CHCHD7: variants seen among roughly 807,000 people sequenced by gnomAD.
CHCHD7 encodes coiled-coil-helix-coiled-coil-helix domain-containing protein 7.
A neutral mutation model predicts 10.5 loss-of-function variants in CHCHD7; 7 were observed. That is an observed-to-expected ratio of 0.67 (90% CI 0.38 to 1.25). The LOEUF is 1.25. Among genes scored for constraint, CHCHD7 ranks in the 50% most tolerant of loss-of-function variants. CHCHD7 has a pLI of 0.02. For missense variants in CHCHD7, 100 were observed against 104.5 expected, an observed-to-expected ratio of 0.96 and a Z score of 0.19; for synonymous variants, 40 against 36.0, an observed-to-expected ratio of 1.11 and a Z score of -0.40.
intron 2 of CHCHD7, 144 bp from the exon 3 acceptor site, chr8:56,216,289 G>GT: frequency 7.7e-7 from 1 of 1,304,998 alleles, no homozygotes; most frequent in Non-Finnish European, 1.0e-6. Context: ...AGATTGTCCA[G>GT]TTTTTATTAG....
In CHCHD7 at chr8:56,218,773, C is replaced by A. The variant is rs1563411761; in HGVS notation, c.*1338C>A. On this transcript the variant is annotated 3_prime_UTR_variant, in exon 4 of 4. Transcript: ENST00000355315. Reference sequence around the variant, plus strand: ...AATGTCACTCCTTTGAAGGTACATACCAATATCAACATTCATCTTGTAACT... The same window carrying A: ...AATGTCACTCCTTTGAAGGTACATAACAATATCAACATTCATCTTGTAACT... 1.6e-5 allele frequency: 3 copies of A among 188,686 alleles called. No individual in the cohort carries two copies. The highest frequency in any genetic ancestry group is 3.3e-5 in the Non-Finnish European group (3 of 89,708). 11.7% of individuals were successfully genotyped at this position (188,686 alleles called of 1,614,324 possible).
At chr8:56,213,879 C>T (rs776393967) in intron 1 of CHCHD7, 1 of 152,194 alleles carries the variant, frequency 6.6e-6, no homozygotes, top group Non-Finnish European at 1.5e-5. Flanking sequence ...AAAATAGGCA[C>T]TCTGGTACTT....
chr8:56,216,867 A>G (rs969837195), intron 3 of CHCHD7: 14 of 564,306 alleles, frequency 2.5e-5, no homozygotes, highest in African/African-American at 2.1e-4. Context: ...ATAACACATC[A>G]TGTTAGGCTT....
At chr8:56,216,835 A>G in intron 3 of CHCHD7, 1 of 654,622 alleles carries the variant, frequency 1.5e-6, no homozygotes, top group Non-Finnish European at 2.8e-6. Flanking sequence ...GGAGATGAAC[A>G]GAATGTTTAA....
In CHCHD7 at chr8:56,217,558, A is replaced by G; in HGVS notation, c.*123A>G. 1 of 600,262 alleles carries G rather than the reference A, an allele frequency of 1.7e-6. No individual in the cohort carries two copies. Among genetic ancestry groups the G allele is most frequent in the African/African-American group, 1.9e-5 (1 of 52,920 alleles). 37.2% of individuals were successfully genotyped at this position (600,262 alleles called of 1,614,324 possible). On this transcript the variant is annotated 3_prime_UTR_variant, in exon 4 of 4. Transcript: ENST00000355315. ...CAGACCTTAAGTTCTTCAAGTGGAG[A>G]CAGTGAAGTCACCCCGTGTCCTTTT...
Position 56,214,676 on chromosome 8 carries a change from G to A in CHCHD7, c.54+9G>A, listed in dbSNP as rs748520022. On this transcript the variant is annotated intron_variant, in intron 2 of 3. Transcript: ENST00000355315. ...TAAATCCTTGTTTGTCGGTAGGATG[G>A]TTTGCTTTAATTTTCATGAGTGTTA... is the stretch of plus-strand genomic sequence containing the variant. 3 of 1,611,978 alleles carry A rather than the reference G, an allele frequency of 1.9e-6. No individual in the cohort carries two copies. Among genetic ancestry groups the A allele is most frequent in the Admixed American group, 1.7e-5 (1 of 59,980 alleles).
chr8:56,217,093 T>G (rs568669229), intron 3 of CHCHD7, among the ~76,000 whole-genome samples: 1 of 152,366 alleles, frequency 6.6e-6, no homozygotes, highest in Admixed American at 6.5e-5. Flanking sequence ...TTGTATATTC[T>G]CATCCCAATT....
chr8:56,216,814 T>C, intron 3 of CHCHD7: 1 of 680,320 alleles, frequency 1.5e-6, no homozygotes, highest in Non-Finnish European at 2.7e-6. Flanking sequence ...TGTTATAAAT[T>C]TAGTTTTCCT....
In CHCHD7 at chr8:56,217,573, C is replaced by T. The variant is rs1162500589; in HGVS notation, c.*138C>T. On this transcript the variant is annotated 3_prime_UTR_variant, in exon 4 of 4. Coordinates refer to ENST00000355315, the MANE Select transcript of CHCHD7 (RefSeq NM_001011671.3). The stretch of plus-strand genomic sequence containing the variant: ...TCAAGTGGAGACAGTGAAGTCACCC[C>T]GTGTCCTTTTTGCTTGCTCTCAGTG... The T allele has an allele frequency of 1.8e-5, 10 of 554,330 alleles. No homozygotes were observed. The highest frequency in any genetic ancestry group is 2.3e-5 in the South Asian group (1 of 43,842). 34.3% of individuals were successfully genotyped at this position (554,330 alleles called of 1,614,324 possible). A position where few individuals can be genotyped will look rare whatever the true frequency, so the allele number is the denominator to read the frequency against.
In CHCHD7 at chr8:56,217,549, C is replaced by T. The variant is rs559293782; in HGVS notation, c.*114C>T. On this transcript the variant is annotated 3_prime_UTR_variant, in exon 4 of 4. Coordinates refer to ENST00000355315, the MANE Select transcript of CHCHD7 (RefSeq NM_001011671.3). Reference sequence around the variant, plus strand: ...TCACCCAGACAGACCTTAAGTTCTTCAAGTGGAGACAGTGAAGTCACCCCG... The same window carrying T: ...TCACCCAGACAGACCTTAAGTTCTTTAAGTGGAGACAGTGAAGTCACCCCG... 7.3e-4 allele frequency: 457 copies of T among 629,806 alleles called. 8 individuals are homozygous for T. The highest frequency in any genetic ancestry group is 5.5e-3 in the Middle Eastern group (15 of 2,740). 39.0% of individuals were successfully genotyped at this position (629,806 alleles called of 1,614,324 possible). A position where few individuals can be genotyped will look rare whatever the true frequency, so the allele number is the denominator to read the frequency against.
chr8:56,214,741 T>G, intron 2 of CHCHD7, 74 bp downstream of exon 2: 1 of 1,100,326 alleles, frequency 9.1e-7, no homozygotes, highest in East Asian at 2.4e-5. Context: ...TGGGCCTTTG[T>G]TTTCTGCAGT....
At chr8:56,212,883 G>T in intron 1 of CHCHD7, 1 of 1,607,972 alleles carries the variant, frequency 6.2e-7, no homozygotes, top group African/African-American at 1.3e-5. Flanking sequence ...CACCAAACTC[G>T]AACTGGGTAT....
rs187993534 is a variant in CHCHD7 at position 56,218,187 on chromosome 8, T to G, written c.*752T>G. On this transcript the variant is annotated 3_prime_UTR_variant, in exon 4 of 4. Transcript: ENST00000355315. ...AGTAATGGGAAGAAAGACAAATGGA[T>G]TCCCTTAGAAGTAAGATTTCTATTT... The G allele has an allele frequency of 6.9e-4, 156 of 227,638 alleles. 1 individual carries two copies. The East Asian group carries it at 7.4e-3, about 11-fold the overall frequency. 14.1% of individuals were successfully genotyped at this position (227,638 alleles called of 1,614,324 possible).
At chr8:56,212,244 T>C (rs916622868) in intron 1 of CHCHD7, 3 of 153,200 alleles carry the variant, frequency 2.0e-5, no homozygotes, top group Non-Finnish European at 2.9e-5. Context: ...CGGCGAGGCC[T>C]CGGGTTCGCC....
In CHCHD7 at chr8:56,218,773, C is replaced by G. The variant is rs1563411761; in HGVS notation, c.*1338C>G. The G allele has an allele frequency of 5.3e-6, 1 of 188,686 alleles. No individual in the cohort carries two copies. Among genetic ancestry groups the G allele is most frequent in the African/African-American group, 2.3e-5 (1 of 42,820 alleles). The allele number at this position is 188,686 out of a possible 1,614,324, so 11.7% of individuals were successfully genotyped here. The stretch of plus-strand genomic sequence containing the variant: ...AATGTCACTCCTTTGAAGGTACATA[C>G]CAATATCAACATTCATCTTGTAACT... On this transcript the variant is annotated 3_prime_UTR_variant, in exon 4 of 4. Transcript: ENST00000355315.
At chr8:56,212,396 G>C in intron 1 of CHCHD7, 1 of 154,570 alleles carries the variant, frequency 6.5e-6, no homozygotes, top group Non-Finnish European at 1.4e-5. Flanking sequence ...CCCTGCCTGG[G>C]CTCCGACCAC....
intron 3 of CHCHD7, 113 bp from the exon 4 acceptor site, chr8:56,217,218 G>GC: frequency 1.7e-6 from 1 of 583,560 alleles, no homozygotes; most frequent in South Asian, 2.3e-5. Flanking sequence ...AAAAAAACTT[G>GC]GTTTTTAGAA....
At chr8:56,214,025 C>T (rs1181495972) in intron 1 of CHCHD7, 4 of 152,184 alleles carry the variant, frequency 2.6e-5, no homozygotes, top group Admixed American at 6.5e-5. Context: ...CATTTGGTTG[C>T]TTAAACTTAA....
intron 1 of CHCHD7, chr8:56,213,018 T>A: frequency 1.5e-6 from 1 of 669,714 alleles, no homozygotes; most frequent in Non-Finnish European, 2.6e-6. Context: ...CTTGTTGAGA[T>A]TATTAAATCT....
Sources: allele counts gnomAD v4.1 joint callset (sites outside exome capture counted in the v4.1 genomes callset), GRCh38; gene constraint gnomAD v4.1.1; transcripts MANE v1.5; gene names NCBI Gene and HGNC (gene_info 2026-07-23, HGNC 2026-07-21).